NDFIP1: variants seen among roughly 807,000 people sequenced by gnomAD.
NDFIP1 encodes Nedd4 family interacting protein 1, also known as NEDD4 family-interacting protein 1.
A neutral mutation model predicts 28.8 loss-of-function variants in NDFIP1; 7 were observed. The ratio of observed to expected loss-of-function variants is 0.24; its 90% CI spans 0.14 to 0.46. The LOEUF is 0.46. NDFIP1 is among the 20% of genes least tolerant of loss of function. The probability of loss-of-function intolerance (pLI) is 0.99; values close to 1 mark genes in which losing one functional copy is unlikely to be tolerated. For synonymous variants in NDFIP1, 92 were observed against 101.0 expected (o/e 0.91, Z 0.53); for missense variants, 194 against 269.1 (o/e 0.72, Z 1.95).
intron 1 of NDFIP1, among the ~76,000 whole-genome samples, chr5:142,129,204 G>C (rs1266649731): frequency 1.3e-5 from 2 of 152,180 alleles, no homozygotes; most frequent in East Asian, 3.8e-4. Flanking sequence ...TGACTCTTCT[G>C]CTTCTTTTGG....
At chr5:142,113,447 C>G (rs991734249) in intron 1 of NDFIP1, among the ~76,000 whole-genome samples, 19 of 152,132 alleles carry the variant, frequency 1.2e-4, no homozygotes, top group Admixed American at 9.8e-4. Flanking sequence ...ACCTAAATGT[C>G]AAAGTTTCTT....
chr5:142,145,197 T>C (rs373571848), intron 7 of NDFIP1, among the ~76,000 whole-genome samples: 2 of 152,196 alleles, frequency 1.3e-5, no homozygotes, highest in African/African-American at 4.8e-5. Context: ...TTTCTTCAGG[T>C]TGACATTCTG....
intron 1 of NDFIP1, among the ~76,000 whole-genome samples, chr5:142,127,124 TCG>T: frequency 2.6e-5 from 4 of 152,174 alleles, no homozygotes; most frequent in Admixed American, 2.0e-4. Flanking sequence ...CAAGTGATTC[TCG>T]TGCCTAAGCC....
intron 1 of NDFIP1, among the ~76,000 whole-genome samples, chr5:142,122,259 A>G (rs1422055058): frequency 6.6e-6 from 1 of 152,222 alleles, no homozygotes; most frequent in African/African-American, 2.4e-5. Flanking sequence ...AAATCTTTAT[A>G]TGAATCTAAT....
In NDFIP1 at chr5:142,116,820, C is replaced by T. The variant is rs867229819; in HGVS notation, c.63+7783C>T. Among the ~76,000 whole-genome samples, 9 of 152,130 alleles carry T rather than the reference C, an allele frequency of 5.9e-5. No homozygotes were observed. The South Asian group carries it at 8.3e-4, about 14-fold the overall frequency. On this transcript the variant is annotated intron_variant, in intron 1 of 7. Coordinates refer to ENST00000253814, the MANE Select transcript of NDFIP1 (RefSeq NM_030571.4). ...CCGCCTCCTGGGTTCAAGAGATTCTCGTGCCTCAGCTTCCCAAGTAGCTGG... is the reference window on the plus strand; with the variant it reads ...CCGCCTCCTGGGTTCAAGAGATTCTTGTGCCTCAGCTTCCCAAGTAGCTGG...
intron 1 of NDFIP1, among the ~76,000 whole-genome samples, chr5:142,115,130 A>G (rs1292493847): frequency 6.6e-6 from 1 of 152,146 alleles, no homozygotes; most frequent in Non-Finnish European, 1.5e-5. Context: ...ATAACTTCAT[A>G]TTTTTATTAA....
chr5:142,116,631 G>A (rs1476209541), intron 1 of NDFIP1, among the ~76,000 whole-genome samples: 3 of 151,936 alleles, frequency 2.0e-5, no homozygotes, highest in Non-Finnish European at 4.4e-5. Flanking sequence ...GGCTTACAGA[G>A]ATTACAGGTG....
intron 5 of NDFIP1, among the ~76,000 whole-genome samples, chr5:142,138,454 C>A (rs979514791): frequency 6.6e-6 from 1 of 152,176 alleles, no homozygotes; most frequent in Non-Finnish European, 1.5e-5. Flanking sequence ...TGTAAAAGAT[C>A]TAGGCTTTTA....
In NDFIP1 at chr5:142,116,139, G is replaced by A. The variant is rs75085968; in HGVS notation, c.63+7102G>A. On this transcript the variant is annotated intron_variant, in intron 1 of 7. Coordinates refer to ENST00000253814, the MANE Select transcript of NDFIP1 (RefSeq NM_030571.4). ...TAACTTGACCAAGAGTGGTAGTAAAGCAAGTGTAACTTGATATCACTTAGC... is the reference window on the plus strand; with the variant it reads ...TAACTTGACCAAGAGTGGTAGTAAAACAAGTGTAACTTGATATCACTTAGC... Among the ~76,000 whole-genome samples, 672 of 152,206 alleles carry A rather than the reference G, an allele frequency of 4.4e-3. 7 individuals carry two copies. The highest frequency in any genetic ancestry group is 0.016 in the African/African-American group (650 of 41,520).
In NDFIP1 at chr5:142,153,463, A is replaced by G; in HGVS notation, c.*1735A>G. 2.2e-6 allele frequency: 1 copy of G among 455,828 alleles called. No individual in the cohort carries two copies. The highest frequency in any genetic ancestry group is 1.6e-5 in the South Asian group (1 of 64,308). The allele number at this position is 455,828 out of a possible 1,614,324, so 28.2% of individuals were successfully genotyped here. On this transcript the variant is annotated 3_prime_UTR_variant, in exon 8 of 8. Coordinates refer to ENST00000253814, the MANE Select transcript of NDFIP1 (RefSeq NM_030571.4). The stretch of plus-strand genomic sequence containing the variant: ...AGTGTGGGTTGTTTGAAAGCCAAAC[A>G]GGAAAATTAGGAGCCTCCTGGATTG...
At chr5:142,144,365 A>C (rs1757366942) in intron 6 of NDFIP1, 2 of 426,728 alleles carry the variant, frequency 4.7e-6, no homozygotes, top group Admixed American at 7.7e-5. Context: ...TGCAAAAGAC[A>C]CTATTGACTC....
chr5:142,132,040 C>T (rs1222374449), intron 2 of NDFIP1, 145 bp downstream of exon 2: 2 of 1,046,410 alleles, frequency 1.9e-6, no homozygotes, highest in African/African-American at 3.2e-5. Context: ...GAAGTGGATA[C>T]ATTTAAAAAT....
intron 1 of NDFIP1, among the ~76,000 whole-genome samples, chr5:142,122,602 C>A (rs1180971762): frequency 6.6e-6 from 1 of 152,134 alleles, no homozygotes; most frequent in Non-Finnish European, 1.5e-5. Flanking sequence ...GGTTTATACT[C>A]CCATCAGTAG....
At chr5:142,135,662 A>G in intron 3 of NDFIP1, 68 bp from the exon 4 acceptor site, 2 of 1,411,616 alleles carry the variant, frequency 1.4e-6, no homozygotes, top group Non-Finnish European at 2.0e-6. Flanking sequence ...TTGCTACTCA[A>G]ATTTAACCCT....
rs1561595839 is a variant in NDFIP1 at position 142,108,983 on chromosome 5, G to A, written c.9G>A (p.Leu3=). The change falls in exon 1 of 8, where the codon TTG becomes TTA. Residue 3 remains leucine (L), a synonymous_variant. Transcript: ENST00000253814. ...CTGCTGCCGGCTGCGCCATGGCGTT[G>A]GCGTTGGCGGCGCTGGCGGCGGTCG... MA[L]ALAALAAVEP... The A allele has an allele frequency of 6.9e-7, 1 of 1,446,624 alleles. No individual in the cohort carries two copies. The highest frequency in any genetic ancestry group is 1.5e-5 in the African/African-American group (1 of 67,774). The allele number at this position is 1,446,624 out of a possible 1,614,324, so 89.6% of individuals were successfully genotyped here.
rs1285462772 is a variant in NDFIP1 at position 142,108,797 on chromosome 5, T to TCGGCGG, written c.-168_-163dup. 2.2e-6 allele frequency: 1 copy of TCGGCGG among 455,578 alleles called. No individual in the cohort carries two copies. Among genetic ancestry groups the TCGGCGG allele is most frequent in the Non-Finnish European group, 3.7e-6 (1 of 272,354 alleles). 28.2% of individuals were successfully genotyped at this position (455,578 alleles called of 1,614,324 possible). A position where few individuals can be genotyped will look rare whatever the true frequency, so the allele number is the denominator to read the frequency against. The stretch of plus-strand genomic sequence containing the variant: ...CTTCCCCAGGGGCCGCGTCGGAGCC[T>TCGGCGG]CGGCGGCGGCGGCGGTGCTTACAGC... On this transcript the variant is annotated 5_prime_UTR_variant, in exon 1 of 8. Transcript: ENST00000253814.
rs1478784023 is a variant in NDFIP1, at chr5:142,152,169, G to A, written c.*441G>A. On this transcript the variant is annotated 3_prime_UTR_variant, in exon 8 of 8. Coordinates refer to ENST00000253814, the MANE Select transcript of NDFIP1 (RefSeq NM_030571.4). ...GGGTTTTCTCAAAAGTTAAACTTTT[G>A]CTATGACTGTGTTTTTGCACATAAT... The A allele has an allele frequency of 6.5e-6, 1 of 152,702 alleles. No individual in the cohort carries two copies. The highest frequency in any genetic ancestry group is 1.5e-5 in the Non-Finnish European group (1 of 68,020). 9.5% of individuals were successfully genotyped at this position (152,702 alleles called of 1,614,324 possible). A position where few individuals can be genotyped will look rare whatever the true frequency, so the allele number is the denominator to read the frequency against.
intron 3 of NDFIP1, among the ~76,000 whole-genome samples, chr5:142,133,582 C>T (rs189767023): frequency 3.9e-4 from 59 of 152,294 alleles, no homozygotes; most frequent in African/African-American, 1.4e-3. Flanking sequence ...CTGTACTCTG[C>T]AGATCTGTTG....
chr5:142,146,494 A>C (rs1757391125), intron 7 of NDFIP1, among the ~76,000 whole-genome samples: 1 of 152,224 alleles, frequency 6.6e-6, no homozygotes, highest in Non-Finnish European at 1.5e-5. Context: ...AAGGATTCCA[A>C]AGCTAGTACT....
Sources: allele counts gnomAD v4.1 joint callset (sites outside exome capture counted in the v4.1 genomes callset), GRCh38; gene constraint gnomAD v4.1.1; transcripts MANE v1.5; gene names NCBI Gene and HGNC (gene_info 2026-07-23, HGNC 2026-07-21).